Variants in ASPH observed in about 807,000 individuals in gnomAD.
ASPH encodes aspartyl/asparaginyl beta-hydroxylase.
In ASPH, 100 loss-of-function variants were observed where a neutral mutation model predicts 118.4. The observed-to-expected ratio is 0.84, with a 90% CI of 0.72 to 1.00. ASPH has a LOEUF of 1.00. ASPH is among the 50% of genes least tolerant of loss of function. ASPH has a pLI of 0.00. For missense variants in ASPH, 920 were observed against 919.5 expected (o/e 1.00, Z -0.01); for synonymous variants, 315 against 325.6 (o/e 0.97, Z 0.35).
chr8:61,684,274 G>T, intron 1 of ASPH, 86 bp from the exon 2 acceptor site: 3 of 1,387,238 alleles, frequency 2.2e-6, no homozygotes, highest in Non-Finnish European at 2.9e-6. Context: ...AATAATTTGG[G>T]ATTATGTACA....
intron 16 of ASPH, among the ~76,000 whole-genome samples, chr8:61,574,505 A>C (rs1431028113): frequency 6.6e-6 from 1 of 152,232 alleles, no homozygotes; most frequent in East Asian, 1.9e-4. Flanking sequence ...ACACCATGGA[A>C]TACTATGCAG....
At chr8:61,575,546 G>C (rs1346134271) in intron 16 of ASPH, among the ~76,000 whole-genome samples, 1 of 152,130 alleles carries the variant, frequency 6.6e-6, no homozygotes, top group Non-Finnish European at 1.5e-5. Context: ...ATGTTCTACT[G>C]ATGGCTGTAT....
At chr8:61,650,479 C>T (rs529032561) in intron 5 of ASPH, among the ~76,000 whole-genome samples, 1 of 152,268 alleles carries the variant, frequency 6.6e-6, no homozygotes, top group African/African-American at 2.4e-5. Flanking sequence ...TCAAGGGATG[C>T]TTCAAGAAGC....
chr8:61,564,688 T>A (rs11774171), intron 17 of ASPH, among the ~76,000 whole-genome samples: 2 of 152,104 alleles, frequency 1.3e-5, no homozygotes, highest in African/African-American at 4.8e-5. Context: ...TTGTGCTGCA[T>A]GTTTTTGTTC....
intron 18 of ASPH, among the ~76,000 whole-genome samples, chr8:61,556,927 C>G (rs192842429): frequency 6.6e-6 from 1 of 152,216 alleles, no homozygotes; most frequent in Admixed American, 6.5e-5. Context: ...GCAGGGGACA[C>G]CAGGCCCTCG....
chr8:61,552,507 C>T (rs1826372939), intron 20 of ASPH, among the ~76,000 whole-genome samples: 1 of 152,156 alleles, frequency 6.6e-6, no homozygotes, highest in South Asian at 2.1e-4. Context: ...GGATAAGTTA[C>T]ACAACTAACC....
At chr8:61,556,158 A>G in intron 18 of ASPH, 136 bp from the exon 19 acceptor site, 1 of 696,534 alleles carries the variant, frequency 1.4e-6, no homozygotes, top group Non-Finnish European at 2.4e-6. Flanking sequence ...TACAGCTGAA[A>G]ACACCATAGT....
chr8:61,547,948 G>T, intron 21 of ASPH, 123 bp downstream of exon 21: 1 of 1,310,356 alleles, frequency 7.6e-7, no homozygotes, highest in Non-Finnish European at 1.0e-6. Flanking sequence ...ATTATATTTT[G>T]CAAATGTCAC....
intron 24 of ASPH, chr8:61,516,899 C>T (rs1460381241): frequency 6.6e-6 from 1 of 152,142 alleles, no homozygotes; most frequent in East Asian, 1.9e-4. Flanking sequence ...CCGACTGATA[C>T]CAGAACATGG....
chr8:61,528,635 A>G (rs1267372631), intron 21 of ASPH, among the ~76,000 whole-genome samples: 1 of 152,178 alleles, frequency 6.6e-6, no homozygotes, highest in Non-Finnish European at 1.5e-5. Flanking sequence ...AGCCCTAGGG[A>G]AAAATGTTAA....
intron 1 of ASPH, among the ~76,000 whole-genome samples, chr8:61,693,321 GGAT>G (rs1294008225): frequency 3.3e-5 from 5 of 152,112 alleles, no homozygotes; most frequent in African/African-American, 1.2e-4. Context: ...GTTTCTTGTT[GGAT>G]GACACAAGCG....
chr8:61,548,893 C>T (rs1194026413), intron 20 of ASPH, among the ~76,000 whole-genome samples: 1 of 152,152 alleles, frequency 6.6e-6, no homozygotes, highest in African/African-American at 2.4e-5. Flanking sequence ...TACTACTTGC[C>T]TCCAAGACTA....
intron 1 of ASPH, among the ~76,000 whole-genome samples, chr8:61,692,013 A>G (rs1252834951): frequency 6.6e-6 from 1 of 152,226 alleles, no homozygotes; most frequent in African/African-American, 2.4e-5. Context: ...CACAGCTATT[A>G]AAATGTGATT....
At chr8:61,603,793 G>A (rs1443848343) in intron 14 of ASPH, among the ~76,000 whole-genome samples, 1 of 152,140 alleles carries the variant, frequency 6.6e-6, no homozygotes. Flanking sequence ...ATCATGCAAA[G>A]TAAGAATTAC....
At chr8:61,664,118 C>T (rs1487478070) in intron 3 of ASPH, 3 of 970,782 alleles carry the variant, frequency 3.1e-6, no homozygotes, top group Non-Finnish European at 3.7e-6. Flanking sequence ...ACAGTAGTCA[C>T]AATTAGATAT....
chr8:61,714,159 G>C (rs371242384), intron 1 of ASPH, 110 bp downstream of exon 1: 15 of 1,269,112 alleles, frequency 1.2e-5, no homozygotes, highest in Admixed American at 4.2e-5. Context: ...GCGGGGGATG[G>C]AGGCGGCGCG....
intron 24 of ASPH, among the ~76,000 whole-genome samples, chr8:61,509,198 G>A (rs1184774317): frequency 6.6e-6 from 1 of 152,148 alleles, no homozygotes; most frequent in South Asian, 2.1e-4. Context: ...GCCCAAAAGA[G>A]GGTTCTTGGA....
intron 15 of ASPH, chr8:61,578,542 A>G: frequency 3.2e-6 from 5 of 1,539,404 alleles, no homozygotes; most frequent in Non-Finnish European, 4.5e-6. Flanking sequence ...TTCACAGACA[A>G]GGTACGGTTC....
chr8:61,671,696 A>G (rs1307387268), intron 3 of ASPH, among the ~76,000 whole-genome samples: 1 of 152,224 alleles, frequency 6.6e-6, no homozygotes, highest in Non-Finnish European at 1.5e-5. Context: ...GAAATTAGAA[A>G]AAAGATCTTA....
Sources: allele counts gnomAD v4.1 joint callset (sites outside exome capture counted in the v4.1 genomes callset), GRCh38; gene constraint gnomAD v4.1.1; transcripts MANE v1.5; gene names NCBI Gene and HGNC (gene_info 2026-07-23, HGNC 2026-07-21).